Variants in DAB1 observed in about 807,000 individuals in gnomAD.
DAB1 encodes disabled homolog 1.
A neutral mutation model predicts 64.6 loss-of-function variants in DAB1; 15 were observed. The observed-to-expected ratio is 0.23, with a 90% CI of 0.16 to 0.36. DAB1 has a LOEUF of 0.36. Among genes scored for constraint, DAB1 ranks in the 10% least tolerant of loss-of-function variants. The pLI is 1.00. For synonymous variants in DAB1, 235 were observed against 251.9 expected (o/e 0.93, Z 0.64); for missense variants, 596 against 706.7 (o/e 0.84, Z 1.78).
chr1:58,222,254 G>A (rs1195162853), intron 4 of DAB1, among the ~76,000 whole-genome samples: 1 of 152,002 alleles, frequency 6.6e-6, no homozygotes, highest in East Asian at 1.9e-4. Context: ...TGTGGTGTGG[G>A]CTGTGTATAT....
chr1:58,484,374 T>C (rs1645539418), intron 3 of DAB1, among the ~76,000 whole-genome samples: 1 of 152,246 alleles, frequency 6.6e-6, no homozygotes, highest in South Asian at 2.1e-4. Flanking sequence ...AGGTAGATTA[T>C]ACTTTTTGTT....
chr1:58,058,267 G>A (rs1193761002), intron 5 of DAB1, among the ~76,000 whole-genome samples: 3 of 152,130 alleles, frequency 2.0e-5, no homozygotes, highest in Non-Finnish European at 4.4e-5. Context: ...TATGAGGTAA[G>A]TACTATTAAT....
In DAB1 at chr1:57,330,623, T is replaced by C. The variant is rs564669991; in HGVS notation, c.-136-39457A>G. 9.8e-5 allele frequency among the ~76,000 whole-genome samples: 15 copies of C among 152,312 alleles called. No homozygotes were observed. The East Asian group carries it at 2.1e-3, about 22-fold the overall frequency. ...AATTTAGGATTCTTGCATTTTCCCA[T>C]CTGGCAAACGAGAAAACAGTGTCGA... is the stretch of plus-strand genomic sequence containing the variant. On this transcript the variant is annotated intron_variant, in intron 1 of 14. Coordinates refer to ENST00000371236, the MANE Select transcript of DAB1 (RefSeq NM_001365792.1).
intron 3 of DAB1, among the ~76,000 whole-genome samples, chr1:58,408,393 T>C (rs1464104645): frequency 6.6e-6 from 1 of 152,238 alleles, no homozygotes; most frequent in Non-Finnish European, 1.5e-5. Flanking sequence ...CATTCCTTTG[T>C]AACAAGTGTT....
At chr1:57,413,371 A>C (rs1397539819) in intron 1 of DAB1, among the ~76,000 whole-genome samples, 1 of 152,226 alleles carries the variant, frequency 6.6e-6, no homozygotes, top group African/African-American at 2.4e-5. Context: ...CATACATTTC[A>C]TAAGGCTATA....
chr1:57,161,710 CTT>C lies in DAB1; in HGVS notation c.68-16283_68-16282del, dbSNP rs986449709. Among the ~76,000 whole-genome samples the C allele has an allele frequency of 1.0e-3, 156 of 152,078 alleles. 2 individuals are homozygous for C. The highest frequency in any genetic ancestry group is 3.4e-3 in the African/African-American group (139 of 41,480). ...ATTACAAAGGGAAACATGTTCAAGA[CTT>C]AACATTTGGAAAGTGTAGAAGAGAA... On this transcript the variant is annotated intron_variant, in intron 2 of 14. Coordinates refer to ENST00000371236, the MANE Select transcript of DAB1 (RefSeq NM_001365792.1).
chr1:57,867,925 C>T (rs1654376342), intron 1 of DAB1, among the ~76,000 whole-genome samples: 2 of 152,212 alleles, frequency 1.3e-5, no homozygotes, highest in East Asian at 1.9e-4. Flanking sequence ...CAGAATGGCA[C>T]GGGGTGTGCT....
chr1:58,411,237 C>G (rs1569740999), intron 3 of DAB1, among the ~76,000 whole-genome samples: 1 of 152,194 alleles, frequency 6.6e-6, no homozygotes, highest in African/African-American at 2.4e-5. Flanking sequence ...ATATCACATA[C>G]TTAAACATAG....
chr1:57,675,713 T>C (rs1646558587), intron 6 of DAB1, among the ~76,000 whole-genome samples: 2 of 152,236 alleles, frequency 1.3e-5, no homozygotes, highest in South Asian at 4.1e-4. Flanking sequence ...TATATTTATG[T>C]TTAAATTAAC....
intron 6 of DAB1, among the ~76,000 whole-genome samples, chr1:57,820,254 C>T (rs1050967143): frequency 6.6e-5 from 10 of 152,280 alleles, no homozygotes; most frequent in East Asian, 1.9e-4. Context: ...CCCAAAGTTA[C>T]GCATTTCACC....
chr1:57,974,555 C>T (rs2764697), intron 5 of DAB1, among the ~76,000 whole-genome samples: 66,781 of 151,610 alleles, frequency 0.44, 15,578 homozygotes, highest in East Asian at 0.9. Flanking sequence ...TCTTAGACAT[C>T]CTGAATTGGA....
chr1:57,658,449 G>A (rs953209450), intron 6 of DAB1, among the ~76,000 whole-genome samples: 7 of 149,466 alleles, frequency 4.7e-5, no homozygotes, highest in African/African-American at 7.4e-5. Context: ...GACTACAGGC[G>A]CCCACCACCA....
At chr1:57,135,335 A>G (rs529208922) in intron 4 of DAB1, among the ~76,000 whole-genome samples, 1 of 152,330 alleles carries the variant, frequency 6.6e-6, no homozygotes, top group East Asian at 1.9e-4. Flanking sequence ...TAAGTAATTC[A>G]TATAAATGGT....
At chr1:57,807,369 A>G (rs1318461997) in intron 6 of DAB1, among the ~76,000 whole-genome samples, 1 of 152,138 alleles carries the variant, frequency 6.6e-6, no homozygotes, top group African/African-American at 2.4e-5. Flanking sequence ...CAGAAAAGTC[A>G]CAGTGACGCC....
At chr1:57,366,738 A>G (rs1680027491) in intron 1 of DAB1, among the ~76,000 whole-genome samples, 1 of 152,190 alleles carries the variant, frequency 6.6e-6, no homozygotes, top group Non-Finnish European at 1.5e-5. Context: ...CCTTAAAGAT[A>G]ATGAAACTGA....
At chr1:57,452,558 A>C (rs376881487) in intron 7 of DAB1, among the ~76,000 whole-genome samples, 13 of 152,198 alleles carry the variant, frequency 8.5e-5, no homozygotes, top group African/African-American at 2.9e-4. Context: ...CAGGGATAGA[A>C]CTGCCACCAG....
chr1:58,030,701 T>C (rs112816765), intron 5 of DAB1, among the ~76,000 whole-genome samples: 3,653 of 152,236 alleles, frequency 0.024, 106 homozygotes, highest in African/African-American at 0.063. Flanking sequence ...TGCCAGAGCC[T>C]TGTGCCTGCA....
At chr1:58,474,822 C>A (rs894308145) in intron 3 of DAB1, among the ~76,000 whole-genome samples, 1 of 152,202 alleles carries the variant, frequency 6.6e-6, no homozygotes, top group African/African-American at 2.4e-5. Context: ...TCTCACAGAC[C>A]TAGCTAAACT....
intron 4 of DAB1, among the ~76,000 whole-genome samples, chr1:58,201,430 C>T (rs1363844397): frequency 1.3e-5 from 2 of 152,154 alleles, no homozygotes; most frequent in Non-Finnish European, 2.9e-5. Context: ...TTGCTGAATA[C>T]CAAAGGTCCA....
Sources: gnomAD v4.1 joint callset for allele counts (sites outside exome capture counted in the v4.1 genomes callset) on GRCh38, gnomAD v4.1.1 for gene constraint, MANE v1.5 for transcripts, NCBI Gene and HGNC (gene_info 2026-07-23, HGNC 2026-07-21) for gene names.